KCNN2: variants seen among roughly 807,000 people sequenced by gnomAD.
KCNN2 encodes the protein potassium calcium-activated channel subfamily N member 2.
A neutral mutation model predicts 55.5 loss-of-function variants in KCNN2; 24 were observed. The ratio of observed to expected loss-of-function variants is 0.43; its 90% CI spans 0.31 to 0.61. KCNN2 has a LOEUF of 0.61. KCNN2 is among the 20% of genes least tolerant of loss of function. The pLI is 0.08. For synonymous variants in KCNN2, 431 were observed against 336.1 expected, an observed-to-expected ratio of 1.28 and a Z score of -3.09; for missense variants, 754 against 853.6, an observed-to-expected ratio of 0.88 and a Z score of 1.45.
chr5:114,348,160 C>T (rs1400612020), intron 2 of KCNN2, among the ~76,000 whole-genome samples: 1 of 151,872 alleles, frequency 6.6e-6, no homozygotes, highest in African/African-American at 2.4e-5. Context: ...CCACCAAAAA[C>T]CTCTACAAAA....
intron 2 of KCNN2, among the ~76,000 whole-genome samples, chr5:114,351,975 T>C (rs1191086935): frequency 6.6e-6 from 1 of 151,742 alleles, no homozygotes; most frequent in East Asian, 1.9e-4. Context: ...TTTCCTCCTC[T>C]ATTTTTTGGG....
chr5:114,187,668 G>A (rs538785068), intron 1 of KCNN2, among the ~76,000 whole-genome samples: 9 of 151,112 alleles, frequency 6.0e-5, no homozygotes, highest in African/African-American at 2.2e-4. Context: ...ACTGCACCCG[G>A]CTAATTTTTT....
intron 1 of KCNN2, among the ~76,000 whole-genome samples, chr5:114,117,971 C>T (rs182594644): frequency 9.4e-4 from 143 of 152,226 alleles, no homozygotes; most frequent in African/African-American, 3.4e-3. Context: ...TCACAAAGTT[C>T]ATAAGGGGCA....
intron 1 of KCNN2, among the ~76,000 whole-genome samples, chr5:114,160,988 C>G (rs868472294): frequency 6.6e-6 from 1 of 152,076 alleles, no homozygotes; most frequent in Non-Finnish European, 1.5e-5. Flanking sequence ...TTAATTGGAG[C>G]ATTTAGTCCA....
In KCNN2 at chr5:114,247,202, C is replaced by CAAAA. The variant is rs370172975; in HGVS notation, c.-185+25655_-185+25658dup. Among the ~76,000 whole-genome samples the CAAAA allele has an allele frequency of 8.8e-4, 60 of 68,052 alleles. 1 individual carries two copies. Among genetic ancestry groups the CAAAA allele is most frequent in the African/African-American group, 2.7e-3 (46 of 17,190 alleles). The allele number at this position is 68,052 out of a possible 152,430, so 44.6% of individuals were successfully genotyped here. On this transcript the variant is annotated intron_variant, in intron 2 of 10. Coordinates refer to the KCNN2 transcript ENST00000512097. ...AGCCAGGCATGGTACCATATGTCTC[C>CAAAA]AAAAAAAAAAAAAAAAAAAAAGAAA... is the stretch of plus-strand genomic sequence containing the variant.
chr5:114,368,109 A>G (rs1284495154), intron 2 of KCNN2, among the ~76,000 whole-genome samples: 1 of 152,148 alleles, frequency 6.6e-6, no homozygotes, highest in Non-Finnish European at 1.5e-5. Context: ...TGCATCAGCA[A>G]AAATACAGTA....
chr5:114,118,094 T>C (rs1379444214), intron 1 of KCNN2, among the ~76,000 whole-genome samples: 2 of 152,166 alleles, frequency 1.3e-5, no homozygotes, highest in Admixed American at 6.5e-5. Flanking sequence ...CTAGCACAAC[T>C]GTACAGCTAC....
intron 2 of KCNN2, among the ~76,000 whole-genome samples, chr5:114,335,182 C>T (rs1756899094): frequency 6.6e-6 from 1 of 152,188 alleles, no homozygotes; most frequent in African/African-American, 2.4e-5. Flanking sequence ...CTCAGCCTCC[C>T]AGAGTGCTGG....
intron 1 of KCNN2, among the ~76,000 whole-genome samples, chr5:114,194,832 A>C (rs559096072): frequency 4.6e-5 from 7 of 151,788 alleles, no homozygotes; most frequent in Non-Finnish European, 5.9e-5. Context: ...ATTTAGGTCT[A>C]GGATCAATTT....
chr5:114,249,121 C>G (rs1429772056), intron 2 of KCNN2, among the ~76,000 whole-genome samples: 1 of 152,004 alleles, frequency 6.6e-6, no homozygotes, highest in East Asian at 1.9e-4. Flanking sequence ...AGAGAATAGA[C>G]AATCAAAATA....
intron 1 of KCNN2, among the ~76,000 whole-genome samples, chr5:114,155,244 T>G (rs909235717): frequency 2.0e-5 from 3 of 152,188 alleles, no homozygotes; most frequent in Non-Finnish European, 2.9e-5. Context: ...TTGCATAGTA[T>G]TCTATGGTGT....
intron 2 of KCNN2, among the ~76,000 whole-genome samples, chr5:114,325,372 A>G (rs889693713): frequency 1.3e-5 from 2 of 152,224 alleles, no homozygotes; most frequent in African/African-American, 2.4e-5. Flanking sequence ...TCCAGATTGC[A>G]AAAGATGCTA....
rs1027454127 is a variant in KCNN2 at position 114,178,611 on chromosome 5, A to G, written c.-270-42869A>G. ...TACAATGCATAATTTTCCCACTTCA[A>G]TTCATTTAGCCTTTTAGTGGGGCTC... On this transcript the variant is annotated intron_variant, in intron 1 of 10. Transcript: ENST00000512097. Among the ~76,000 whole-genome samples, 3 of 152,270 alleles carry G rather than the reference A, an allele frequency of 2.0e-5. No homozygotes were observed. In the South Asian group the frequency reaches 6.2e-4, roughly 32 times the overall value.
chr5:114,478,186 G>A (rs942149100), intron 5 of KCNN2, among the ~76,000 whole-genome samples: 4 of 152,128 alleles, frequency 2.6e-5, no homozygotes, highest in African/African-American at 4.8e-5. Flanking sequence ...TTGAATTGGC[G>A]AGGAGTGGAA....
At chr5:114,387,533 TA>T (rs70976342) in intron 2 of KCNN2, among the ~76,000 whole-genome samples, 76,190 of 151,648 alleles carry the variant, frequency 0.5, 20,227 homozygotes, top group African/African-American at 0.67. Flanking sequence ...TAAAAACTGC[TA>T]AAAAAAAATA....
At chr5:114,286,144 G>A (rs1425155228) in intron 2 of KCNN2, among the ~76,000 whole-genome samples, 5 of 152,026 alleles carry the variant, frequency 3.3e-5, no homozygotes, top group African/African-American at 1.2e-4. Context: ...AAATAAAAAC[G>A]TCCTAGTCTC....
intron 2 of KCNN2, among the ~76,000 whole-genome samples, chr5:114,282,181 C>G (rs1372888711): frequency 1.3e-5 from 2 of 151,842 alleles, no homozygotes; most frequent in Non-Finnish European, 2.9e-5. Flanking sequence ...CTATTTATTT[C>G]TTTTGGGGAT....
At chr5:114,282,301 A>T (rs1306709209) in intron 2 of KCNN2, among the ~76,000 whole-genome samples, 1 of 152,114 alleles carries the variant, frequency 6.6e-6, no homozygotes, top group Non-Finnish European at 1.5e-5. Context: ...AAAGGAATCT[A>T]GGCATCTATG....
intron 3 of KCNN2, among the ~76,000 whole-genome samples, chr5:114,419,572 C>T (rs1487096596): frequency 6.6e-6 from 1 of 152,124 alleles, no homozygotes; most frequent in African/African-American, 2.4e-5. Context: ...CTTTTGGTAC[C>T]AATGATCAAA....
Sources: gnomAD v4.1 joint callset for allele counts (sites outside exome capture counted in the v4.1 genomes callset) on GRCh38, gnomAD v4.1.1 for gene constraint, MANE v1.5 for transcripts, NCBI Gene and HGNC (gene_info 2026-07-23, HGNC 2026-07-21) for gene names.